ARL13B: variants seen among roughly 807,000 people sequenced by gnomAD.
ARL13B encodes ARF like GTPase 13B, also known as ADP-ribosylation factor-like protein 13B.
Under a neutral mutation model 56.1 loss-of-function variants are expected in ARL13B, and 36 were observed. The observed-to-expected ratio is 0.64, with a 90% CI of 0.49 to 0.85. The LOEUF (loss-of-function observed/expected upper bound fraction) is 0.85, where lower values mean the gene tolerates loss of function less well. Ranked by LOEUF, ARL13B falls within the 40% of genes least tolerant of loss-of-function variation. The pLI, the probability that ARL13B is intolerant of heterozygous loss-of-function variation, is 0.00. For missense variants in ARL13B, 519 were observed against 507.1 expected, an observed-to-expected ratio of 1.02 and a Z score of -0.23; for synonymous variants, 178 against 171.1, an observed-to-expected ratio of 1.04 and a Z score of -0.32.
At chr3:94,021,298 G>A (rs1282433050) in intron 3 of ARL13B, among the ~76,000 whole-genome samples, 2 of 151,538 alleles carry the variant, frequency 1.3e-5, no homozygotes, top group African/African-American at 2.4e-5. Context: ...GGTTCGAAGC[G>A]ATTCTCCTGC....
rs192417212 is a variant in ARL13B, at chr3:94,026,202, G to C, written c.381-9129G>C. ...ACCCGACTAACTTTTTATATTTTTAGTAGAGATGGGGTTTCACCGTGTGAG... is the reference window on the plus strand; with the variant it reads ...ACCCGACTAACTTTTTATATTTTTACTAGAGATGGGGTTTCACCGTGTGAG... On this transcript the variant is annotated intron_variant, in intron 3 of 9. Transcript: ENST00000394222. 4.8e-3 allele frequency among the ~76,000 whole-genome samples: 730 copies of C among 152,140 alleles called. 5 individuals carry two copies. Among genetic ancestry groups the C allele is most frequent in the African/African-American group, 0.012 (494 of 41,534 alleles).
chr3:94,005,362 C>T (rs185267393), intron 3 of ARL13B, among the ~76,000 whole-genome samples: 1 of 152,164 alleles, frequency 6.6e-6, no homozygotes, highest in African/African-American at 2.4e-5. Flanking sequence ...GTCTGTTGCT[C>T]TTATAATTAG....
intron 3 of ARL13B, chr3:94,014,937 A>G (rs746206474): frequency 1.2e-6 from 2 of 1,613,822 alleles, no homozygotes; most frequent in East Asian, 4.5e-5. Context: ...CTTTAACTAA[A>G]TCATTCAAAC....
chr3:94,034,690 T>C (rs1449625543), intron 3 of ARL13B, among the ~76,000 whole-genome samples: 1 of 152,190 alleles, frequency 6.6e-6, no homozygotes, highest in Admixed American at 6.6e-5. Context: ...TTTAAGAAGA[T>C]AAGAATATAA....
chr3:93,990,490 A>G (rs1312132549), intron 1 of ARL13B, among the ~76,000 whole-genome samples: 1 of 152,186 alleles, frequency 6.6e-6, no homozygotes, highest in Non-Finnish European at 1.5e-5. Flanking sequence ...ATTTTATAAA[A>G]TATTTTAAAT....
In ARL13B at chr3:94,036,616, A is replaced by G. The variant is rs773654634; in HGVS notation, c.551A>G (p.Tyr184Cys). The change falls in exon 5 of 10, where the codon TAT becomes TGT. Residue 184 changes from tyrosine (Y) to cysteine (C), a missense_variant. Coordinates refer to ENST00000394222, the MANE Select transcript of ARL13B (RefSeq NM_001174150.2). The stretch of plus-strand genomic sequence containing the variant: ...GACAAGTCCATTAAAAAAGGCCTTT[A>G]TTGGCTGCTACATGTTATTGCAAGA... ...KIDKSIKKGL[Y>C]WLLHVIARDF... 14 of 1,614,000 alleles carry G rather than the reference A, an allele frequency of 8.7e-6. No homozygotes were observed. The highest frequency in any genetic ancestry group is 1.3e-5 in the African/African-American group (1 of 74,914).
rs1377868505 is a variant in ARL13B at position 94,049,462 on chromosome 3, C to T, written c.1081C>T (p.Pro361Ser). ...AATGAAAAGGAACCACCGGGTAGAA[C>T]CACTTAATATAGATGACTGTGCTCC... Reference protein sequence around the residue: ...LRMKRNHRVEPLNIDDCAPES... With the variant: ...LRMKRNHRVESLNIDDCAPES... The change falls in exon 8 of 10, where the codon CCA becomes TCA. Residue 361 changes from proline (P) to serine (S), a missense_variant. Coordinates refer to ENST00000394222, the MANE Select transcript of ARL13B (RefSeq NM_001174150.2). 1 of 1,610,316 alleles carries T rather than the reference C, an allele frequency of 6.2e-7. No homozygotes were observed. Among genetic ancestry groups the T allele is most frequent in the Non-Finnish European group, 8.5e-7 (1 of 1,178,590 alleles).
chr3:94,044,403 G>A (rs879907503), intron 7 of ARL13B, among the ~76,000 whole-genome samples: 3 of 148,298 alleles, frequency 2.0e-5, no homozygotes, highest in Middle Eastern at 3.5e-3. Flanking sequence ...TAGGAAGTGG[G>A]GAGTGCCTCT....
chr3:94,040,075 G>A, intron 6 of ARL13B, 87 bp downstream of exon 6: 1 of 1,125,228 alleles, frequency 8.9e-7, no homozygotes, highest in Non-Finnish European at 1.3e-6. Context: ...AAAGGAGGCA[G>A]GGAAACAGAT....
chr3:94,039,328 G>A lies in ARL13B; in HGVS notation c.690-552G>A, dbSNP rs528078546. The stretch of plus-strand genomic sequence containing the variant: ...ATCCTGGCTAATAGGGTGAAACCCC[G>A]TCTCTACTAAAAATACAAAAAATTA... On this transcript the variant is annotated intron_variant, in intron 5 of 9. Coordinates refer to ENST00000394222, the MANE Select transcript of ARL13B (RefSeq NM_001174150.2). Among the ~76,000 whole-genome samples the A allele has an allele frequency of 9.3e-4, 142 of 151,932 alleles. 1 individual carries two copies. The highest frequency in any genetic ancestry group is 3.1e-3 in the African/African-American group (127 of 41,454).
At chr3:93,981,696 A>G (rs1710223176) in intron 1 of ARL13B, among the ~76,000 whole-genome samples, 1 of 152,004 alleles carries the variant, frequency 6.6e-6, no homozygotes, top group South Asian at 2.1e-4. Flanking sequence ...AGCCTGGTCA[A>G]TATGGCGAAA....
intron 3 of ARL13B, among the ~76,000 whole-genome samples, chr3:94,033,080 A>T (rs1052190797): frequency 9.2e-5 from 14 of 152,314 alleles, no homozygotes; most frequent in Middle Eastern, 6.8e-3. Flanking sequence ...AGCAACGTGG[A>T]TGGAGCTGGA....
intron 1 of ARL13B, among the ~76,000 whole-genome samples, chr3:93,984,745 G>A (rs1409652062): frequency 6.6e-6 from 1 of 152,154 alleles, no homozygotes. Context: ...TTCAGGCTGG[G>A]TGTGGTGGCT....
chr3:94,050,893 G>A lies in ARL13B; in HGVS notation c.1210+1G>A. 2 of 1,612,610 alleles carry A rather than the reference G, an allele frequency of 1.2e-6. No homozygotes were observed. Among genetic ancestry groups the A allele is most frequent in the African/African-American group, 1.3e-5 (1 of 74,986 alleles). On this transcript the variant is annotated splice_donor_variant, in intron 9 of 9. Coordinates refer to ENST00000394222, the MANE Select transcript of ARL13B (RefSeq NM_001174150.2). LOFTEE classifies it high-confidence loss of function. ...CCTCTTGGTGAAACACATCATAATG[G>A]TAATGCAAAAGGATTGGTTTTCAGA... is the stretch of plus-strand genomic sequence containing the variant.
chr3:93,988,237 T>TGAA (rs1553826433), intron 1 of ARL13B, among the ~76,000 whole-genome samples: 1 of 146,066 alleles, frequency 6.8e-6, no homozygotes, highest in Non-Finnish European at 1.5e-5. Flanking sequence ...AACAATTCTG[T>TGAA]GAAAAAAAAA....
chr3:94,043,304 C>T (rs1035024296), intron 7 of ARL13B, 64 bp downstream of exon 7: 5 of 1,381,706 alleles, frequency 3.6e-6, no homozygotes, highest in Admixed American at 4.1e-5. Flanking sequence ...TATACTTCAT[C>T]TCATTTTTTA....
At chr3:94,029,319 TATATATATATATATATTTA>T (rs2076620933) in intron 3 of ARL13B, among the ~76,000 whole-genome samples, 2 of 100,170 alleles carry the variant, frequency 2.0e-5, no homozygotes, top group African/African-American at 9.8e-5. Context: ...TATATATATA[TATATATATATATATATTTA>T]TTTTTTTTTT....
At chr3:93,985,650 G>A (rs1224719391) in intron 1 of ARL13B, among the ~76,000 whole-genome samples, 1 of 152,000 alleles carries the variant, frequency 6.6e-6, no homozygotes, top group African/African-American at 2.4e-5. Flanking sequence ...TGCCTGCCAG[G>A]TTTTATAAAT....
At chr3:94,025,518 C>A (rs191426586) in intron 3 of ARL13B, among the ~76,000 whole-genome samples, 5 of 152,226 alleles carry the variant, frequency 3.3e-5, no homozygotes, top group Non-Finnish European at 7.4e-5. Context: ...GGAGTAAATT[C>A]CTATGTTTGC....
Sources: gnomAD v4.1 joint callset for allele counts (sites outside exome capture counted in the v4.1 genomes callset) on GRCh38, gnomAD v4.1.1 for gene constraint, MANE v1.5 for transcripts, NCBI Gene and HGNC (gene_info 2026-07-23, HGNC 2026-07-21) for gene names.